PLCB4: variants seen among roughly 807,000 people sequenced by gnomAD.
PLCB4 encodes phospholipase C beta 4.
In PLCB4, 77 loss-of-function variants were observed where a neutral mutation model predicts 178.8. The observed-to-expected ratio is 0.43, with a 90% CI of 0.36 to 0.52. The LOEUF (loss-of-function observed/expected upper bound fraction) is 0.52, where lower values mean the gene tolerates loss of function less well. PLCB4 is among the 20% of genes least tolerant of loss of function. PLCB4 has a pLI of 0.00. For synonymous variants in PLCB4, 496 were observed against 490.8 expected (o/e 1.01, Z -0.14); for missense variants, 1,024 against 1,453.4 (o/e 0.70, Z 4.80).
chr20:9,098,596 G>A (rs1391210133), intron 2 of PLCB4, among the ~76,000 whole-genome samples: 2 of 150,442 alleles, frequency 1.3e-5, no homozygotes, highest in Non-Finnish European at 3.0e-5. Flanking sequence ...TTAATTCGAA[G>A]GATGTCTCAT....
intron 3 of PLCB4, among the ~76,000 whole-genome samples, chr20:9,263,354 G>A (rs1483120863): frequency 6.6e-6 from 1 of 152,094 alleles, no homozygotes; most frequent in Non-Finnish European, 1.5e-5. Flanking sequence ...TCTGGGACAG[G>A]GGACATGATC....
intron 3 of PLCB4, among the ~76,000 whole-genome samples, chr20:9,274,379 C>G (rs755298054): frequency 2.6e-5 from 4 of 151,818 alleles, no homozygotes; most frequent in Non-Finnish European, 5.9e-5. Flanking sequence ...TTTAAGTTGC[C>G]GTAAAAAAGA....
At chr20:9,350,521 C>A (rs763188106) in intron 7 of PLCB4, among the ~76,000 whole-genome samples, 1 of 152,108 alleles carries the variant, frequency 6.6e-6, no homozygotes, top group Non-Finnish European at 1.5e-5. Flanking sequence ...ATTCTACCAC[C>A]ACCCTGTGCT....
chr20:9,385,114 C>T (rs976082676), intron 14 of PLCB4, among the ~76,000 whole-genome samples: 4 of 152,228 alleles, frequency 2.6e-5, no homozygotes, highest in Admixed American at 6.5e-5. Flanking sequence ...TCAGAGAGCA[C>T]GGGGTTGGGG....
At chr20:9,099,232 T>C (rs1048045987) in intron 2 of PLCB4, among the ~76,000 whole-genome samples, 1 of 152,136 alleles carries the variant, frequency 6.6e-6, no homozygotes, top group East Asian at 1.9e-4. Context: ...CATGTTAAGA[T>C]TGGATCCATG....
At chr20:9,198,730 G>C (rs2093503894) in intron 2 of PLCB4, among the ~76,000 whole-genome samples, 1 of 152,268 alleles carries the variant, frequency 6.6e-6, no homozygotes, top group African/African-American at 2.4e-5. Flanking sequence ...TCACTCACTT[G>C]TCCTTAGATT....
chr20:9,219,494 T>G (rs896288687), intron 3 of PLCB4, among the ~76,000 whole-genome samples: 2 of 152,088 alleles, frequency 1.3e-5, no homozygotes, highest in Non-Finnish European at 2.9e-5. Flanking sequence ...AGGCTTTGGA[T>G]GGCTCCAGAT....
chr20:9,181,186 T>C (rs753252017), intron 2 of PLCB4, among the ~76,000 whole-genome samples: 7 of 152,136 alleles, frequency 4.6e-5, no homozygotes, highest in Non-Finnish European at 8.8e-5. Flanking sequence ...TCACTAACAT[T>C]CTATTCATGA....
In PLCB4 at chr20:9,468,647, A is replaced by T; in HGVS notation, c.3325A>T (p.Ile1109Phe). The T allele has an allele frequency of 1.2e-6, 2 of 1,606,552 alleles. No homozygotes were observed. The highest frequency in any genetic ancestry group is 1.7e-6 in the Non-Finnish European group (2 of 1,173,228). ...NSKAISQDKS[I>F]KNKAERERRV... ...CAAAGCCATCAGCCAAGATAAATCT[A>T]TCAAGAATAAAGCAGAACGGGAAAG... is the stretch of plus-strand genomic sequence containing the variant. Residue 1109 changes from isoleucine to phenylalanine, a missense_variant, in exon 36 of 40, where the codon ATC (isoleucine) becomes TTC (phenylalanine). By Grantham distance (21) the Ile-to-Phe change is conservative (BLOSUM62 0). Transcript: ENST00000378473.
intron 2 of PLCB4, among the ~76,000 whole-genome samples, chr20:9,187,166 C>T (rs757912101): frequency 1.4e-4 from 21 of 151,602 alleles, no homozygotes; most frequent in Non-Finnish European, 2.4e-4. Context: ...GTAGAGACAG[C>T]GTTTTACCAT....
At position 9,447,646 on chromosome 20, in the gene PLCB4, T is replaced by G. The variant is rs7266818; in HGVS notation, c.2880+3403T>G. 5.9e-5 allele frequency among the ~76,000 whole-genome samples: 9 copies of G among 152,334 alleles called. 1 individual carries two copies. The highest frequency in any genetic ancestry group is 1.9e-4 in the African/African-American group (8 of 41,590). On this transcript the variant is annotated intron_variant, in intron 32 of 39. Coordinates refer to ENST00000378473, the MANE Select transcript of PLCB4 (RefSeq NM_001377142.1). ...GAGTGGATGCAGAAAGGGAAATAAC[T>G]GTGGCCATTTTTATAGCCTACCGGC... is the stretch of plus-strand genomic sequence containing the variant.
chr20:9,177,356 A>G (rs1174057771), intron 2 of PLCB4, among the ~76,000 whole-genome samples: 1 of 152,168 alleles, frequency 6.6e-6, no homozygotes, highest in Non-Finnish European at 1.5e-5. Context: ...TATCCTAAAG[A>G]TATGATAACT....
intron 3 of PLCB4, among the ~76,000 whole-genome samples, chr20:9,251,470 G>T (rs1268053549): frequency 6.6e-6 from 1 of 152,114 alleles, no homozygotes. Context: ...GAGGTGAAGC[G>T]TTCTATTTTA....
intron 3 of PLCB4, among the ~76,000 whole-genome samples, chr20:9,272,705 C>A (rs1424977877): frequency 1.3e-5 from 2 of 152,078 alleles, no homozygotes; most frequent in African/African-American, 4.8e-5. Flanking sequence ...AGCTTTTCTG[C>A]TCCCCAGGGT....
intron 2 of PLCB4, among the ~76,000 whole-genome samples, chr20:9,126,910 A>G (rs1386271469): frequency 2.0e-5 from 3 of 152,070 alleles, no homozygotes; most frequent in East Asian, 1.9e-4. Flanking sequence ...AATAAAATAA[A>G]ATGCCCTACT....
intron 9 of PLCB4, among the ~76,000 whole-genome samples, chr20:9,369,579 G>A (rs897189504): frequency 2.0e-5 from 3 of 152,118 alleles, no homozygotes; most frequent in African/African-American, 7.2e-5. Context: ...AGAATTCACA[G>A]GCCTCCTTAT....
chr20:9,207,071 G>A (rs568613210), intron 2 of PLCB4, among the ~76,000 whole-genome samples: 3 of 152,242 alleles, frequency 2.0e-5, no homozygotes, highest in Admixed American at 6.5e-5. Context: ...AGCCGAGATC[G>A]TGCCACTGCA....
At chr20:9,095,911 G>A (rs1286092796) in intron 1 of PLCB4, among the ~76,000 whole-genome samples, 4 of 152,086 alleles carry the variant, frequency 2.6e-5, no homozygotes, top group African/African-American at 9.7e-5. Flanking sequence ...AACAAGAGTG[G>A]AGTTTTATAT....
At chr20:9,452,568 T>C (rs532519475) in intron 32 of PLCB4, among the ~76,000 whole-genome samples, 1 of 152,334 alleles carries the variant, frequency 6.6e-6, no homozygotes, top group Admixed American at 6.5e-5. Flanking sequence ...TCTGATTTCA[T>C]ATAAGTCATT....
Sources: gnomAD v4.1 joint callset for allele counts (sites outside exome capture counted in the v4.1 genomes callset) on GRCh38, gnomAD v4.1.1 for gene constraint, MANE v1.5 for transcripts, NCBI Gene and HGNC (gene_info 2026-07-23, HGNC 2026-07-21) for gene names.